The following LRRC4C variants were observed in gnomAD, a reference collection of about 807,000 sequenced individuals.
LRRC4C encodes leucine-rich repeat-containing protein 4C.
Under a neutral mutation model 33.6 loss-of-function variants are expected in LRRC4C, and 5 were observed. The observed-to-expected ratio is 0.15, with a 90% CI of 0.08 to 0.31. The LOEUF is 0.31. Ranked by LOEUF, LRRC4C falls within the 10% of genes least tolerant of loss-of-function variation. LRRC4C has a pLI of 1.00. For synonymous variants in LRRC4C, 329 were observed against 302.0 expected, an observed-to-expected ratio of 1.09 and a Z score of -0.93; for missense variants, 560 against 796.7, an observed-to-expected ratio of 0.70 and a Z score of 3.58.
intron 5 of LRRC4C, among the ~76,000 whole-genome samples, chr11:40,193,576 C>A (rs1862018867): frequency 6.6e-6 from 1 of 152,090 alleles, no homozygotes; most frequent in Non-Finnish European, 1.5e-5. Flanking sequence ...TCCTCGCCAG[C>A]AAGGGAACAA....
intron 1 of LRRC4C, among the ~76,000 whole-genome samples, chr11:41,135,642 G>A (rs1292625365): frequency 6.6e-6 from 1 of 152,088 alleles, no homozygotes; most frequent in African/African-American, 2.4e-5. Flanking sequence ...GTGATGCCAA[G>A]AAGAAGATAA....
chr11:40,495,069 A>G (rs745906144), intron 3 of LRRC4C, among the ~76,000 whole-genome samples: 8 of 152,212 alleles, frequency 5.3e-5, no homozygotes, highest in Non-Finnish European at 1.2e-4. Context: ...ATTATTATCG[A>G]TAAGTGTCCA....
chr11:41,445,848 G>A (rs1487616412), intron 1 of LRRC4C, among the ~76,000 whole-genome samples: 2 of 143,010 alleles, frequency 1.4e-5, no homozygotes, highest in Non-Finnish European at 3.1e-5. Flanking sequence ...TCCACAGTGT[G>A]TATGAATGAG....
intron 1 of LRRC4C, among the ~76,000 whole-genome samples, chr11:41,309,498 A>T (rs1182257595): frequency 1.3e-5 from 2 of 152,142 alleles, no homozygotes; most frequent in Non-Finnish European, 2.9e-5. Context: ...TACCCAGAAT[A>T]TTTCCATTTT....
In LRRC4C at chr11:40,828,525, C is replaced by T. The variant is rs184816835; in HGVS notation, c.-407+105110G>A. On this transcript the variant is annotated intron_variant, in intron 2 of 6. Transcript: ENST00000528697. ...GCTTTAGTCTTTGACTTACATGGTT[C>T]GCATTTATACTAAAATGGAAACATT... Among the ~76,000 whole-genome samples the T allele has an allele frequency of 1.6e-3, 241 of 151,780 alleles. 2 individuals carry two copies. Among genetic ancestry groups the T allele is most frequent in the African/African-American group, 5.6e-3 (233 of 41,458 alleles).
At chr11:40,180,601 T>C (rs1433913906) in intron 5 of LRRC4C, among the ~76,000 whole-genome samples, 1 of 152,200 alleles carries the variant, frequency 6.6e-6, no homozygotes, top group Non-Finnish European at 1.5e-5. Flanking sequence ...TAGCCCCCAA[T>C]TTTATCACAT....
intron 2 of LRRC4C, among the ~76,000 whole-genome samples, chr11:40,772,512 T>C (rs1949802006): frequency 6.6e-6 from 1 of 151,440 alleles, no homozygotes; most frequent in South Asian, 2.1e-4. Flanking sequence ...TTAAAAGATC[T>C]AACAATCTGA....
At chr11:40,340,417 C>A (rs1025649637) in intron 3 of LRRC4C, among the ~76,000 whole-genome samples, 1 of 152,110 alleles carries the variant, frequency 6.6e-6, no homozygotes, top group African/African-American at 2.4e-5. Context: ...TACTTTTACC[C>A]ACCTTGCTCA....
chr11:40,841,296 C>T (rs1365682681), intron 2 of LRRC4C, among the ~76,000 whole-genome samples: 1 of 152,140 alleles, frequency 6.6e-6, no homozygotes, highest in African/African-American at 2.4e-5. Flanking sequence ...CCTTGTCCTG[C>T]TGTGATAAGA....
chr11:41,074,197 A>G (rs944414763), intron 1 of LRRC4C, among the ~76,000 whole-genome samples: 1 of 152,230 alleles, frequency 6.6e-6, no homozygotes, highest in Admixed American at 6.5e-5. Context: ...GAAAAACTTA[A>G]GAGTACTAAG....
chr11:40,931,180 C>A (rs1364519961), intron 2 of LRRC4C, among the ~76,000 whole-genome samples: 2 of 152,060 alleles, frequency 1.3e-5, no homozygotes, highest in South Asian at 2.1e-4. Context: ...AAACAAGAAT[C>A]CAATTTTGAG....
chr11:40,545,586 G>A (rs928870460), intron 3 of LRRC4C, among the ~76,000 whole-genome samples: 1 of 151,914 alleles, frequency 6.6e-6, no homozygotes, highest in African/African-American at 2.4e-5. Flanking sequence ...TTTCAGGAAC[G>A]TTAGCAGCAG....
intron 1 of LRRC4C, among the ~76,000 whole-genome samples, chr11:41,105,251 T>C (rs1941426798): frequency 6.6e-6 from 1 of 151,958 alleles, no homozygotes; most frequent in African/African-American, 2.4e-5. Context: ...TGGAAAATAT[T>C]TCCCATAAAT....
At chr11:40,224,900 G>A (rs1864671793) in intron 5 of LRRC4C, among the ~76,000 whole-genome samples, 1 of 152,108 alleles carries the variant, frequency 6.6e-6, no homozygotes, top group African/African-American at 2.4e-5. Flanking sequence ...ATCCTCTGCT[G>A]TCAGACAGAA....
At position 40,450,297 on chromosome 11, in the gene LRRC4C, T is replaced by A. The variant is rs1565400476; in HGVS notation, c.-269-130576A>T. Among the ~76,000 whole-genome samples the A allele has an allele frequency of 3.9e-5, 6 of 152,190 alleles. No homozygotes were observed. In the East Asian group the frequency reaches 1.2e-3, roughly 29 times the overall value. On this transcript the variant is annotated intron_variant, in intron 3 of 6. Transcript: ENST00000528697. The stretch of plus-strand genomic sequence containing the variant: ...GACTTCTAGGCAACATATTTTGTGT[T>A]TATGTGTTAAATAGTTTTGTTGTTA...
At position 40,909,564 on chromosome 11, in the gene LRRC4C, C is replaced by CT. The variant is rs76017110; in HGVS notation, c.-407+24070dup. ...ACAGATAATTTCATACAGAGAACAA[C>CT]TTTTTTTTCCCATAATGAAGCATAT... On this transcript the variant is annotated intron_variant, in intron 2 of 6. Coordinates refer to ENST00000528697, the MANE Select transcript of LRRC4C (RefSeq NM_001258419.2). Among the ~76,000 whole-genome samples the CT allele has an allele frequency of 6.6e-3, 1,001 of 151,904 alleles. 19 individuals are homozygous for CT. The highest frequency in any genetic ancestry group is 0.041 in the East Asian group (213 of 5,162).
chr11:40,565,655 G>A (rs967174228), intron 3 of LRRC4C, among the ~76,000 whole-genome samples: 1 of 151,890 alleles, frequency 6.6e-6, no homozygotes, highest in Non-Finnish European at 1.5e-5. Context: ...GGCCTGTCTC[G>A]GCTTTCTCTC....
At chr11:40,878,051 T>C (rs1455331030) in intron 2 of LRRC4C, among the ~76,000 whole-genome samples, 1 of 152,144 alleles carries the variant, frequency 6.6e-6, no homozygotes, top group Non-Finnish European at 1.5e-5. Flanking sequence ...TCTCCAGTGA[T>C]GTCTGTTTTT....
intron 2 of LRRC4C, among the ~76,000 whole-genome samples, chr11:40,702,761 A>G (rs1446236622): frequency 1.3e-5 from 2 of 151,942 alleles, no homozygotes; most frequent in African/African-American, 2.4e-5. Context: ...CTACTTTCTA[A>G]ATTTGCCTCT....
Sources: gnomAD v4.1 joint callset for allele counts (sites outside exome capture counted in the v4.1 genomes callset) on GRCh38, gnomAD v4.1.1 for gene constraint, MANE v1.5 for transcripts, NCBI Gene and HGNC (gene_info 2026-07-23, HGNC 2026-07-21) for gene names.